Variants in RUSC2 observed in about 807,000 individuals in gnomAD.
The protein encoded by RUSC2 is AP-4 complex accessory subunit RUSC2.
RUSC2 carries 34 observed loss-of-function variants against 122.2 expected under a neutral mutation model. The observed-to-expected ratio is 0.28, with a 90% CI of 0.21 to 0.37. The LOEUF (loss-of-function observed/expected upper bound fraction) is 0.37, where lower values mean the gene tolerates loss of function less well. RUSC2 is among the 10% of genes least tolerant of loss of function. RUSC2 has a pLI of 1.00. For missense variants in RUSC2, 1,747 were observed against 1,952.4 expected (o/e 0.89, Z 1.98); for synonymous variants, 784 against 790.0 (o/e 0.99, Z 0.13).
Position 35,547,981 on chromosome 9 carries a change from C to T in RUSC2, c.1460C>T (p.Pro487Leu), listed in dbSNP as rs745795059. 5.0e-6 allele frequency: 8 copies of T among 1,614,156 alleles called. No individual in the cohort carries two copies. Among genetic ancestry groups the T allele is most frequent in the Middle Eastern group, 1.6e-4 (1 of 6,062 alleles). The change falls in exon 2 of 12, where the codon CCC (proline) becomes CTC (leucine). Residue 487 changes from proline (P) to leucine (L), a missense_variant. By Grantham distance (98) the Pro-to-Leu change is moderately conservative. Coordinates refer to ENST00000361226, the MANE Select transcript of RUSC2 (RefSeq NM_014806.5). This position sits in a 1 kb window ranked among gnomAD's most constrained non-coding sequence, Gnocchi z 4.6. ...EGQVYTNTSP[P>L]NLSTGRQRSR... Reference sequence around the variant, plus strand: ...CAAGTATACACGAATACTTCACCCCCCAACCTCAGCACTGGACGTCAGCGC... The same window carrying T: ...CAAGTATACACGAATACTTCACCCCTCAACCTCAGCACTGGACGTCAGCGC...
chr9:35,495,017 A>G (rs1460743732), intron 1 of RUSC2, among the ~76,000 whole-genome samples: 1 of 83,322 alleles, frequency 1.2e-5, no homozygotes, highest in African/African-American at 4.2e-5. Context: ...ACTACAGTAT[A>G]TATTTTATAT....
intron 1 of RUSC2, among the ~76,000 whole-genome samples, chr9:35,532,312 A>G (rs1821436432): frequency 6.6e-6 from 1 of 152,358 alleles, no homozygotes; most frequent in African/African-American, 2.4e-5. Context: ...AATGGGAAGT[A>G]CTAAAGACTG....
At chr9:35,491,359 T>A (rs888262062) in intron 1 of RUSC2, among the ~76,000 whole-genome samples, 6 of 152,204 alleles carry the variant, frequency 3.9e-5, no homozygotes, top group African/African-American at 7.2e-5. Flanking sequence ...CTGGATTTTC[T>A]TAGCCGGCTC....
chr9:35,536,605 G>A (rs962844521), intron 1 of RUSC2, among the ~76,000 whole-genome samples: 6 of 152,036 alleles, frequency 3.9e-5, no homozygotes, highest in African/African-American at 1.4e-4. Context: ...CTGAGGTCAG[G>A]AGTTCAAAAC....
intron 9 of RUSC2, 121 bp from the exon 10 acceptor site, chr9:35,559,908 T>C (rs12338773): frequency 0.46 from 364,560 of 792,080 alleles, 88,098 homozygotes; most frequent in Admixed American, 0.59. Flanking sequence ...TACATGCAAG[T>C]TGACTAGTGC....
chr9:35,560,719 G>A lies in RUSC2; in HGVS notation c.4079G>A (p.Arg1360Gln), dbSNP rs199771651. The A allele has an allele frequency of 8.2e-5, 127 of 1,550,980 alleles. 1 individual carries two copies. In the East Asian group the frequency reaches 1.8e-3, roughly 22 times the overall value. Residue 1360 changes from arginine (R) to glutamine (Q), a missense_variant, in exon 10 of 12, where the codon CGG becomes CAG. Physicochemically the swap from Arg to Gln is conservative, Grantham distance 43. Coordinates refer to ENST00000361226, the MANE Select transcript of RUSC2 (RefSeq NM_014806.5). ...GTGCTGGCCGAGCTGAGGCGCAGTC[G>A]GGAGAGGGAAGGGCCCGCTGCCTCG... ...DSVLAELRRSREREGPAASPA... is the reference protein window; with the variant it reads ...DSVLAELRRSQEREGPAASPA...
chr9:35,549,037 A>G, intron 2 of RUSC2: 13 of 981,582 alleles, frequency 1.3e-5, no homozygotes, highest in Non-Finnish European at 1.6e-5. Flanking sequence ...TGTCTCAAAA[A>G]AAAAAAATAA....
Position 35,546,299 on chromosome 9 carries a change from T to A in RUSC2, c.-92-131T>A. On this transcript the variant is annotated intron_variant, in intron 1 of 11. Transcript: ENST00000361226. This position sits in a 1 kb window ranked among gnomAD's most constrained non-coding sequence, Gnocchi z 4.3. ...CCCACCTGCCTATTGGGCTGTGTGG[T>A]CAAGCTCCATCTTGACTCAAGCCTT... 1 of 369,868 alleles carries A rather than the reference T, an allele frequency of 2.7e-6. No individual in the cohort carries two copies. The highest frequency in any genetic ancestry group is 3.9e-5 in the East Asian group (1 of 25,546). 22.9% of individuals were successfully genotyped at this position (369,868 alleles called of 1,614,324 possible). A position where few individuals can be genotyped will look rare whatever the true frequency, so the allele number is the denominator to read the frequency against.
At chr9:35,502,298 C>G (rs1041531751) in intron 1 of RUSC2, among the ~76,000 whole-genome samples, 36 of 152,186 alleles carry the variant, frequency 2.4e-4, no homozygotes, top group African/African-American at 8.4e-4. Context: ...ACCCCACCCC[C>G]TAAGAAAAAG....
chr9:35,539,625 T>A (rs1198242035), intron 1 of RUSC2, among the ~76,000 whole-genome samples: 1 of 152,060 alleles, frequency 6.6e-6, no homozygotes, highest in Non-Finnish European at 1.5e-5. Flanking sequence ...ACATACCATA[T>A]CTTCTGGTGC....
intron 1 of RUSC2, among the ~76,000 whole-genome samples, chr9:35,497,349 G>A (rs545620854): frequency 6.6e-6 from 1 of 152,190 alleles, no homozygotes; most frequent in Non-Finnish European, 1.5e-5. Flanking sequence ...TTGTTGAGCT[G>A]TTGTGGATGA....
At position 35,555,589 on chromosome 9, in the gene RUSC2, C is replaced by G. The variant is rs1219847986; in HGVS notation, c.2544C>G (p.Leu848=). The part of the protein sequence containing the change: ...QKILTLTEYR[L]HGTGSLPPLG... Reference sequence around the variant, plus strand: ...TACTGACCTTGACTGAGTACCGGCTCCATGGAACAGGAAGCTTGCCGCCTC... The same window carrying G: ...TACTGACCTTGACTGAGTACCGGCTGCATGGAACAGGAAGCTTGCCGCCTC... Residue 848 remains leucine, a synonymous_variant, in exon 3 of 12, where the codon CTC becomes CTG. Coordinates refer to ENST00000361226, the MANE Select transcript of RUSC2 (RefSeq NM_014806.5). The surrounding 1 kb of genome is among the most constrained non-coding windows in gnomAD (Gnocchi z 4.6). 1.2e-6 allele frequency: 2 copies of G among 1,613,946 alleles called. No homozygotes were observed. The highest frequency in any genetic ancestry group is 1.7e-6 in the Non-Finnish European group (2 of 1,180,020).
At chr9:35,518,230 T>C (rs72725066) in intron 1 of RUSC2, among the ~76,000 whole-genome samples, 1,816 of 152,304 alleles carry the variant, frequency 0.012, 17 homozygotes, top group Non-Finnish European at 0.019. Context: ...GCACCCTGAC[T>C]TCTTAAGGTA....
chr9:35,555,502 C>T lies in RUSC2; in HGVS notation c.2457C>T (p.His819=), dbSNP rs61742083. 1.1e-3 allele frequency: 1,782 copies of T among 1,614,250 alleles called. 15 individuals are homozygous for T. In the African/African-American group the frequency reaches 0.02, roughly 18 times the overall value. The change falls in exon 3 of 12, where the codon CAC becomes CAT. Residue 819 remains histidine, a synonymous_variant. Coordinates refer to ENST00000361226, the MANE Select transcript of RUSC2 (RefSeq NM_014806.5). This position sits in a 1 kb window ranked among gnomAD's most constrained non-coding sequence, Gnocchi z 4.6. ...TATESLPPWS[H]SCPSAVRPAT... ...CAGAAAGCCTGCCCCCATGGAGCCA[C>T]TCCTGTCCTTCTGCTGTCCGGCCTG...
chr9:35,491,028 A>G (rs1316174914), intron 1 of RUSC2, among the ~76,000 whole-genome samples: 3 of 152,140 alleles, frequency 2.0e-5, no homozygotes, highest in African/African-American at 7.2e-5. Context: ...AAACGCAGGA[A>G]CAAGTAGATC....
intron 1 of RUSC2, among the ~76,000 whole-genome samples, chr9:35,520,472 T>C (rs1821193294): frequency 6.6e-6 from 1 of 152,218 alleles, no homozygotes; most frequent in Non-Finnish European, 1.5e-5. Flanking sequence ...TCTAGATTCT[T>C]CTCATAGCCT....
At chr9:35,490,576 C>G (rs1355061378) in intron 1 of RUSC2, among the ~76,000 whole-genome samples, 1 of 152,158 alleles carries the variant, frequency 6.6e-6, no homozygotes, top group Non-Finnish European at 1.5e-5. Context: ...TTTGGGGAAG[C>G]GTGGCCGCCC....
rs746360364 is a variant in RUSC2 at position 35,555,627 on chromosome 9, G to A, written c.2582G>A (p.Arg861Gln). ...TGSLPPLGSW[R>Q]SGLSRAESLA... is the part of the protein sequence containing the mutation. Reference sequence around the variant, plus strand: ...AGCTTGCCGCCTCTGGGCTCCTGGCGATCTGGCCTCAGCCGAGCAGAGAGC... The same window carrying A: ...AGCTTGCCGCCTCTGGGCTCCTGGCAATCTGGCCTCAGCCGAGCAGAGAGC... The change falls in exon 3 of 12, where the codon CGA (arginine) becomes CAA (glutamine). Residue 861 changes from arginine (R) to glutamine (Q), a missense_variant. Physicochemically the swap from Arg to Gln is conservative, Grantham distance 43. Transcript: ENST00000361226. This position sits in a 1 kb window ranked among gnomAD's most constrained non-coding sequence, Gnocchi z 4.6. 6 of 1,612,304 alleles carry A rather than the reference G, an allele frequency of 3.7e-6. No individual in the cohort carries two copies. Among genetic ancestry groups the A allele is most frequent in the South Asian group, 2.2e-5 (2 of 91,080 alleles).
intron 1 of RUSC2, among the ~76,000 whole-genome samples, chr9:35,541,383 C>T (rs1821638929): frequency 6.6e-6 from 1 of 151,574 alleles, no homozygotes; most frequent in Non-Finnish European, 1.5e-5. Context: ...AAAGTCACTC[C>T]CAGGAAAGGA....
Sources: gnomAD v4.1 joint callset for allele counts (sites outside exome capture counted in the v4.1 genomes callset) on GRCh38, gnomAD v4.1.1 for gene constraint, Gnocchi (gnomAD v3.1) non-coding constraint, MANE v1.5 for transcripts, NCBI Gene and HGNC (gene_info 2026-07-23, HGNC 2026-07-21) for gene names.